Variants in PLXDC2 observed in about 807,000 individuals in gnomAD.
PLXDC2 encodes the protein plexin domain containing 2.
Under a neutral mutation model 68.9 loss-of-function variants are expected in PLXDC2, and 40 were observed. The ratio of observed to expected loss-of-function variants is 0.58; its 90% CI spans 0.45 to 0.76. The LOEUF (loss-of-function observed/expected upper bound fraction) is 0.76, where lower values mean the gene tolerates loss of function less well. PLXDC2 is among the 30% of genes least tolerant of loss of function. PLXDC2 has a pLI of 0.00. For synonymous variants in PLXDC2, 243 were observed against 234.2 expected, an observed-to-expected ratio of 1.04 and a Z score of -0.34; for missense variants, 644 against 661.9, an observed-to-expected ratio of 0.97 and a Z score of 0.30.
intron 4 of PLXDC2, among the ~76,000 whole-genome samples, chr10:20,108,830 G>T (rs989995342): frequency 6.6e-6 from 1 of 152,084 alleles, no homozygotes; most frequent in Non-Finnish European, 1.5e-5. Flanking sequence ...TATCAAGTTT[G>T]TAATAGATAC....
At chr10:19,949,744 G>A (rs1215186749) in intron 1 of PLXDC2, among the ~76,000 whole-genome samples, 1 of 152,088 alleles carries the variant, frequency 6.6e-6, no homozygotes, top group Non-Finnish European at 1.5e-5. Flanking sequence ...TGATAATAGA[G>A]GAATTTTCTT....
chr10:20,048,009 T>A (rs80094679), intron 3 of PLXDC2, among the ~76,000 whole-genome samples: 2,703 of 152,234 alleles, frequency 0.018, 77 homozygotes, highest in African/African-American at 0.061. Context: ...ACAGTGGTGA[T>A]AGTGTCATTG....
intron 1 of PLXDC2, among the ~76,000 whole-genome samples, chr10:19,819,507 C>T (rs1482562636): frequency 2.0e-5 from 3 of 152,138 alleles, no homozygotes; most frequent in African/African-American, 7.2e-5. Context: ...GCAGTCTTGA[C>T]GTTTGTCATG....
intron 12 of PLXDC2, among the ~76,000 whole-genome samples, chr10:20,223,353 C>T (rs143372801): frequency 1.0e-3 from 150 of 149,330 alleles, no homozygotes; most frequent in African/African-American, 3.5e-3. Flanking sequence ...CGCACTGTCC[C>T]CCCGGCTGGA....
At chr10:19,844,118 A>G (rs1055308918) in intron 1 of PLXDC2, among the ~76,000 whole-genome samples, 1 of 152,212 alleles carries the variant, frequency 6.6e-6, no homozygotes, top group African/African-American at 2.4e-5. Flanking sequence ...GACACACAGG[A>G]AAATTGTATC....
chr10:19,874,284 T>C (rs938853006), intron 1 of PLXDC2, among the ~76,000 whole-genome samples: 20 of 152,170 alleles, frequency 1.3e-4, no homozygotes, highest in African/African-American at 4.8e-4. Context: ...GCCTTTTTTC[T>C]GTTTGGAAAC....
At chr10:19,887,096 A>G (rs1176561119) in intron 1 of PLXDC2, among the ~76,000 whole-genome samples, 1 of 152,178 alleles carries the variant, frequency 6.6e-6, no homozygotes, top group East Asian at 1.9e-4. Context: ...GAAAACCACT[A>G]GTTAGGATAT....
chr10:20,136,457 C>G (rs910930051), intron 4 of PLXDC2, among the ~76,000 whole-genome samples: 3 of 152,162 alleles, frequency 2.0e-5, no homozygotes, highest in African/African-American at 7.2e-5. Context: ...GAGACCTCAT[C>G]AAGTTGTTCA....
At chr10:19,894,353 C>A (rs539841226) in intron 1 of PLXDC2, among the ~76,000 whole-genome samples, 1 of 151,092 alleles carries the variant, frequency 6.6e-6, no homozygotes, top group Admixed American at 6.6e-5. Flanking sequence ...CCGTAAAATT[C>A]TCCTATATGC....
chr10:19,819,908 A>T lies in PLXDC2; in HGVS notation c.112+2717A>T, dbSNP rs540259905. ...AGCACAGTGATATAATAGAGGGGTT[A>T]ATTCAAGTGAACATTTATTGTAAAA... On this transcript the variant is annotated intron_variant, in intron 1 of 13. Coordinates refer to ENST00000377252, the MANE Select transcript of PLXDC2 (RefSeq NM_032812.9). Among the ~76,000 whole-genome samples the T allele has an allele frequency of 4.6e-5, 7 of 152,364 alleles. No homozygotes were observed. The South Asian group carries it at 1.4e-3, about 32-fold the overall frequency.
intron 9 of PLXDC2, among the ~76,000 whole-genome samples, chr10:20,184,682 C>A (rs1228678615): frequency 6.6e-6 from 1 of 151,840 alleles, no homozygotes; most frequent in Non-Finnish European, 1.5e-5. Flanking sequence ...AGTAGTTCAA[C>A]CAATCCAACC....
intron 10 of PLXDC2, among the ~76,000 whole-genome samples, chr10:20,213,299 C>T (rs1835093524): frequency 6.6e-6 from 1 of 151,948 alleles, no homozygotes; most frequent in Non-Finnish European, 1.5e-5. Flanking sequence ...ATTTCAAGCA[C>T]CATTTGTTAA....
chr10:20,195,122 C>T (rs954913416), intron 9 of PLXDC2, among the ~76,000 whole-genome samples: 1 of 152,148 alleles, frequency 6.6e-6, no homozygotes, highest in African/African-American at 2.4e-5. Context: ...GCAGGAGGAA[C>T]ATTTTTGAAA....
chr10:20,249,678 T>A (rs1293720718), intron 13 of PLXDC2, among the ~76,000 whole-genome samples: 1 of 152,130 alleles, frequency 6.6e-6, no homozygotes, highest in Non-Finnish European at 1.5e-5. Flanking sequence ...CTGAACCACA[T>A]CTGCAAAGTT....
chr10:19,891,951 A>T (rs974190996), intron 1 of PLXDC2, among the ~76,000 whole-genome samples: 2 of 152,316 alleles, frequency 1.3e-5, no homozygotes, highest in Admixed American at 6.5e-5. Flanking sequence ...CTCATATTAG[A>T]TCATTCCCTC....
intron 2 of PLXDC2, among the ~76,000 whole-genome samples, chr10:20,025,863 A>G (rs1257884694): frequency 6.6e-6 from 1 of 151,714 alleles, no homozygotes; most frequent in African/African-American, 2.4e-5. Flanking sequence ...TTTTTTCACC[A>G]TTGAGTAATA....
intron 1 of PLXDC2, among the ~76,000 whole-genome samples, chr10:19,966,998 C>G (rs555512155): frequency 1.2e-4 from 18 of 152,206 alleles, no homozygotes; most frequent in Non-Finnish European, 1.6e-4. Flanking sequence ...CAGCCCCTCT[C>G]TGTCAGTGCT....
intron 1 of PLXDC2, among the ~76,000 whole-genome samples, chr10:19,969,902 A>G (rs1235283461): frequency 6.6e-6 from 1 of 152,250 alleles, no homozygotes; most frequent in East Asian, 1.9e-4. Context: ...AACATACTGC[A>G]TACAATCCAG....
intron 10 of PLXDC2, 152 bp from the exon 11 acceptor site, chr10:20,217,274 C>A: frequency 1.8e-6 from 1 of 561,602 alleles, no homozygotes; most frequent in South Asian, 6.1e-5. Context: ...CATAAATTAG[C>A]AAAATCATTA....
Sources: allele counts gnomAD v4.1 joint callset (sites outside exome capture counted in the v4.1 genomes callset), GRCh38; gene constraint gnomAD v4.1.1; transcripts MANE v1.5; gene names NCBI Gene and HGNC (gene_info 2026-07-23, HGNC 2026-07-21).